EXT1: variants seen among roughly 807,000 people sequenced by gnomAD.
EXT1 encodes exostosin-1.
EXT1 carries 20 observed loss-of-function variants against 82.5 expected under a neutral mutation model. The observed-to-expected ratio is 0.24, with a 90% CI of 0.17 to 0.35. The LOEUF (loss-of-function observed/expected upper bound fraction) is 0.35. Among genes scored for constraint, EXT1 ranks in the 10% least tolerant of loss-of-function variants. The probability of loss-of-function intolerance (pLI) is 1.00; values close to 1 mark genes in which losing one functional copy is unlikely to be tolerated. For missense variants in EXT1, 757 were observed against 936.5 expected (o/e 0.81, Z 2.50); for synonymous variants, 348 against 350.8 (o/e 0.99, Z 0.09).
intron 1 of EXT1, among the ~76,000 whole-genome samples, chr8:118,033,359 A>AT (rs1816366958): frequency 6.6e-6 from 1 of 152,228 alleles, no homozygotes; most frequent in Admixed American, 6.5e-5. Flanking sequence ...CATTACTAAA[A>AT]TGTACATACT....
intron 1 of EXT1, among the ~76,000 whole-genome samples, chr8:118,045,006 TA>T (rs1816600000): frequency 6.6e-6 from 1 of 152,250 alleles, no homozygotes; most frequent in Non-Finnish European, 1.5e-5. Flanking sequence ...CGATACTATA[TA>T]AGCAAAGATA....
In EXT1 at chr8:117,895,815, A is replaced by C. The variant is rs147282772; in HGVS notation, c.963-58614T>G. On this transcript the variant is annotated intron_variant, in intron 1 of 10. Transcript: ENST00000378204. The stretch of plus-strand genomic sequence containing the variant: ...CACTAATCATGTCCTCCTTTGCTGG[A>C]GTAAGTTACCCTCCTTTTTGCTCCC... 1.8e-3 allele frequency among the ~76,000 whole-genome samples: 273 copies of C among 152,242 alleles called. 2 individuals are homozygous for C. Among genetic ancestry groups the C allele is most frequent in the African/African-American group, 6.2e-3 (258 of 41,552 alleles).
chr8:118,084,229 G>A (rs1032499563), intron 1 of EXT1, among the ~76,000 whole-genome samples: 11 of 152,288 alleles, frequency 7.2e-5, no homozygotes, highest in African/African-American at 2.2e-4. Flanking sequence ...TGATCACAGA[G>A]TATACAGAGT....
At chr8:117,940,964 C>T (rs1203206952) in intron 1 of EXT1, among the ~76,000 whole-genome samples, 1 of 152,174 alleles carries the variant, frequency 6.6e-6, no homozygotes, top group East Asian at 1.9e-4. Context: ...TGGGGCCATA[C>T]ATGCCATTCA....
chr8:117,976,564 T>G (rs958836620), intron 1 of EXT1, among the ~76,000 whole-genome samples: 2 of 152,124 alleles, frequency 1.3e-5, no homozygotes, highest in African/African-American at 4.8e-5. Context: ...TCAAAAAACA[T>G]GCAAAAGAAA....
intron 1 of EXT1, among the ~76,000 whole-genome samples, chr8:118,071,170 A>T (rs2129962759): frequency 6.6e-6 from 1 of 152,310 alleles, no homozygotes; most frequent in South Asian, 2.1e-4. Flanking sequence ...GTAAATTGGT[A>T]GGTAGAGCAT....
chr8:117,851,860 G>C (rs1812460255), intron 1 of EXT1, among the ~76,000 whole-genome samples: 1 of 152,158 alleles, frequency 6.6e-6, no homozygotes, highest in South Asian at 2.1e-4. Flanking sequence ...GGGCTGAAAG[G>C]GCAGGGGACA....
intron 1 of EXT1, among the ~76,000 whole-genome samples, chr8:117,889,934 A>G (rs1813213135): frequency 6.6e-6 from 1 of 152,216 alleles, no homozygotes; most frequent in Non-Finnish European, 1.5e-5. Flanking sequence ...CACACAATGT[A>G]CAGTTTTTAT....
intron 1 of EXT1, among the ~76,000 whole-genome samples, chr8:117,893,893 C>A (rs759281733): frequency 6.6e-6 from 1 of 152,198 alleles, no homozygotes; most frequent in African/African-American, 2.4e-5. Context: ...AGAATCCCCA[C>A]GCTGGTTATC....
At chr8:117,961,405 A>T (rs1814697144) in intron 1 of EXT1, among the ~76,000 whole-genome samples, 1 of 152,208 alleles carries the variant, frequency 6.6e-6, no homozygotes, top group Admixed American at 6.5e-5. Flanking sequence ...GGATAAAAAA[A>T]ATAGTTTTCT....
intron 7 of EXT1, 148 bp downstream of exon 7, chr8:117,818,287 A>C (rs949476238): frequency 3.7e-5 from 26 of 702,106 alleles, no homozygotes; most frequent in Middle Eastern, 3.9e-4. Context: ...TATTGTGGTC[A>C]AATCTGAGAA....
At chr8:118,065,067 A>G (rs1824175) in intron 1 of EXT1, among the ~76,000 whole-genome samples, 50,422 of 151,500 alleles carry the variant, frequency 0.33, 10,210 homozygotes, top group African/African-American at 0.55. Context: ...TGGCCAGGCT[A>G]GTCTTGTACT....
chr8:117,981,274 G>A (rs945293143), intron 1 of EXT1, among the ~76,000 whole-genome samples: 1 of 152,150 alleles, frequency 6.6e-6, no homozygotes, highest in African/African-American at 2.4e-5. Flanking sequence ...AGAAAGTACA[G>A]TAATTCAGAC....
At chr8:118,012,572 G>A (rs1815923865) in intron 1 of EXT1, among the ~76,000 whole-genome samples, 1 of 152,194 alleles carries the variant, frequency 6.6e-6, no homozygotes, top group Admixed American at 6.5e-5. Context: ...CTAAGAACAG[G>A]CCTCCAGGGT....
At chr8:118,090,820 G>A (rs1215643373) in intron 1 of EXT1, among the ~76,000 whole-genome samples, 1 of 123,334 alleles carries the variant, frequency 8.1e-6, no homozygotes, top group Non-Finnish European at 1.7e-5. Flanking sequence ...GCATGTGCCT[G>A]ATAGATGACA....
intron 1 of EXT1, among the ~76,000 whole-genome samples, chr8:118,074,066 G>A (rs1817156404): frequency 6.7e-6 from 1 of 149,572 alleles, no homozygotes; most frequent in Non-Finnish European, 1.5e-5. Flanking sequence ...TAAGGAAAAG[G>A]CAAAACCGGA....
chr8:117,875,861 T>C (rs1812960477), intron 1 of EXT1, among the ~76,000 whole-genome samples: 1 of 152,102 alleles, frequency 6.6e-6, no homozygotes, highest in South Asian at 2.1e-4. Context: ...GCAGTGACCG[T>C]GGGTGCTTAC....
chr8:117,885,461 A>ATT (rs35870282), intron 1 of EXT1, among the ~76,000 whole-genome samples: 18 of 142,766 alleles, frequency 1.3e-4, no homozygotes, highest in Admixed American at 1.1e-3. Context: ...CCTAAAATAG[A>ATT]TTTTTTTTTC....
At chr8:117,940,515 T>C (rs931834182) in intron 1 of EXT1, among the ~76,000 whole-genome samples, 1 of 152,180 alleles carries the variant, frequency 6.6e-6, no homozygotes, top group Non-Finnish European at 1.5e-5. Flanking sequence ...ACTAAATAGC[T>C]ACACAGGGAC....
Sources: allele counts gnomAD v4.1 joint callset (sites outside exome capture counted in the v4.1 genomes callset), GRCh38; gene constraint gnomAD v4.1.1; transcripts MANE v1.5; gene names NCBI Gene and HGNC (gene_info 2026-07-23, HGNC 2026-07-21).